The following SSH2 variants were observed in gnomAD, a reference collection of about 807,000 sequenced individuals.
SSH2 encodes the protein protein phosphatase Slingshot homolog 2.
In SSH2, 37 loss-of-function variants were observed where a neutral mutation model predicts 135.2. The ratio of observed to expected loss-of-function variants is 0.27; its 90% CI spans 0.21 to 0.36. The LOEUF (loss-of-function observed/expected upper bound fraction) is 0.36, where lower values mean the gene tolerates loss of function less well. Among genes scored for constraint, SSH2 ranks in the 10% least tolerant of loss-of-function variants. The pLI is 1.00. For missense variants in SSH2, 1,408 were observed against 1,765.3 expected, an observed-to-expected ratio of 0.80 and a Z score of 3.63; for synonymous variants, 628 against 646.2, an observed-to-expected ratio of 0.97 and a Z score of 0.43.
chr17:29,672,888 G>A (rs2037550906), intron 8 of SSH2, among the ~76,000 whole-genome samples: 1 of 152,026 alleles, frequency 6.6e-6, no homozygotes. Flanking sequence ...TGTATTTTTA[G>A]TCGAGACGGG....
intron 3 of SSH2, among the ~76,000 whole-genome samples, chr17:29,759,303 T>TG (rs1282876363): frequency 6.6e-6 from 1 of 152,256 alleles, no homozygotes; most frequent in Non-Finnish European, 1.5e-5. Context: ...CCCAAAGTGC[T>TG]GGGACTATAG....
intron 2 of SSH2, among the ~76,000 whole-genome samples, chr17:29,839,869 G>C (rs1165628878): frequency 1.3e-5 from 2 of 152,188 alleles, no homozygotes; most frequent in Admixed American, 1.3e-4. Flanking sequence ...AGACTTAGCT[G>C]TCACTACCAG....
chr17:29,919,881 T>C (rs947219597), intron 1 of SSH2, among the ~76,000 whole-genome samples: 2 of 152,098 alleles, frequency 1.3e-5, no homozygotes, highest in African/African-American at 2.4e-5. Flanking sequence ...ACAGTAAATC[T>C]TAAGCTGCTG....
chr17:29,850,834 A>G (rs966340075), intron 1 of SSH2, among the ~76,000 whole-genome samples: 2 of 152,068 alleles, frequency 1.3e-5, no homozygotes, highest in African/African-American at 4.8e-5. Flanking sequence ...AAATGCAAAA[A>G]ATTAGCCGGG....
In SSH2 at chr17:29,825,119, A is replaced by C. The variant is rs188961287; in HGVS notation, c.144+23730T>G. On this transcript the variant is annotated intron_variant, in intron 2 of 15. Coordinates refer to ENST00000540801, the MANE Select transcript of SSH2 (RefSeq NM_001282129.2). ...CACTTCCCAGTTACATGAACCAACA[A>C]ATCTTTATTTTCCTACGGACAGTTT... 3.3e-5 allele frequency among the ~76,000 whole-genome samples: 5 copies of C among 152,278 alleles called. No individual in the cohort carries two copies. In the East Asian group the frequency reaches 9.6e-4, roughly 29 times the overall value.
intron 3 of SSH2, among the ~76,000 whole-genome samples, chr17:29,727,525 C>T (rs903213993): frequency 1.2e-4 from 19 of 152,108 alleles, no homozygotes; most frequent in African/African-American, 4.6e-4. Context: ...AGATAATTTA[C>T]GTTAAAGATG....
intron 1 of SSH2, among the ~76,000 whole-genome samples, chr17:29,899,478 A>G (rs2066506016): frequency 6.6e-6 from 1 of 152,182 alleles, no homozygotes. Context: ...ATTCTTATAC[A>G]CCAATAACAG....
At chr17:29,770,970 C>G (rs898604835) in intron 3 of SSH2, among the ~76,000 whole-genome samples, 3 of 152,158 alleles carry the variant, frequency 2.0e-5, no homozygotes, top group Non-Finnish European at 4.4e-5. Flanking sequence ...GGAGAGCTAG[C>G]TAGGATTATC....
intron 3 of SSH2, among the ~76,000 whole-genome samples, chr17:29,748,056 A>G (rs1404358543): frequency 1.3e-5 from 2 of 152,358 alleles, no homozygotes; most frequent in Non-Finnish European, 2.9e-5. Context: ...TAGACTTATC[A>G]AAAAGAAATC....
At chr17:29,733,576 C>G (rs982994104) in intron 3 of SSH2, among the ~76,000 whole-genome samples, 1 of 151,900 alleles carries the variant, frequency 6.6e-6, no homozygotes, top group Non-Finnish European at 1.5e-5. Context: ...GCAGTTAGTG[C>G]TATAAAGGTA....
At chr17:29,834,814 T>G (rs1356571904) in intron 2 of SSH2, among the ~76,000 whole-genome samples, 2 of 152,178 alleles carry the variant, frequency 1.3e-5, no homozygotes, top group East Asian at 3.8e-4. Context: ...ATACAATTTC[T>G]CATGGAACTA....
At chr17:29,723,351 G>A (rs145856347) in intron 3 of SSH2, among the ~76,000 whole-genome samples, 24 of 152,294 alleles carry the variant, frequency 1.6e-4, no homozygotes, top group Non-Finnish European at 2.8e-4. Context: ...TTAGTTAAAT[G>A]AATACTCCTA....
intron 1 of SSH2, among the ~76,000 whole-genome samples, chr17:29,900,751 C>G (rs1051053537): frequency 3.3e-5 from 5 of 152,118 alleles, no homozygotes; most frequent in Non-Finnish European, 7.4e-5. Flanking sequence ...ACTAGAAATA[C>G]CATTTGACCC....
At chr17:29,691,583 C>T (rs867610804) in intron 5 of SSH2, among the ~76,000 whole-genome samples, 8 of 151,714 alleles carry the variant, frequency 5.3e-5, no homozygotes, top group Non-Finnish European at 1.2e-4. Flanking sequence ...CTCTGCCTCC[C>T]GGGTTCACAC....
chr17:29,889,678 C>T (rs1470075038), intron 1 of SSH2, among the ~76,000 whole-genome samples: 2 of 151,458 alleles, frequency 1.3e-5, no homozygotes, highest in African/African-American at 4.9e-5. Flanking sequence ...ATCACATATC[C>T]GACATGGGAC....
chr17:29,702,817 G>A (rs2039042416), intron 4 of SSH2, 142 bp downstream of exon 4: 3 of 674,286 alleles, frequency 4.4e-6, no homozygotes, highest in East Asian at 2.7e-5. Context: ...GTCTGTGAGG[G>A]TAAAAGTCAT....
intron 1 of SSH2, chr17:29,863,623 A>G (rs952719396): frequency 1.3e-5 from 2 of 152,240 alleles, no homozygotes; most frequent in African/African-American, 4.8e-5. Flanking sequence ...ATGGTAGAGC[A>G]GACAGACAGA....
intron 3 of SSH2, among the ~76,000 whole-genome samples, chr17:29,711,271 G>C (rs763573057): frequency 1.3e-5 from 2 of 152,260 alleles, no homozygotes; most frequent in South Asian, 2.1e-4. Flanking sequence ...AAAACTGAAG[G>C]GGGGAAAAAG....
intron 3 of SSH2, among the ~76,000 whole-genome samples, chr17:29,711,651 G>C (rs550670928): frequency 3.3e-5 from 5 of 152,136 alleles, no homozygotes; most frequent in Middle Eastern, 3.2e-3. Flanking sequence ...ATTCAAATGT[G>C]GTTCTAGTGG....
Sources: gnomAD v4.1 joint callset for allele counts (sites outside exome capture counted in the v4.1 genomes callset) on GRCh38, gnomAD v4.1.1 for gene constraint, MANE v1.5 for transcripts, NCBI Gene and HGNC (gene_info 2026-07-23, HGNC 2026-07-21) for gene names.